The following GALNTL6 variants were observed in gnomAD, a reference collection of about 807,000 sequenced individuals.
The protein encoded by GALNTL6 is polypeptide N-acetylgalactosaminyltransferase-like 6.
Under a neutral mutation model 73.7 loss-of-function variants are expected in GALNTL6, and 46 were observed. That is an observed-to-expected ratio of 0.62 (90% CI 0.49 to 0.80). GALNTL6 has a LOEUF of 0.80. Ranked by LOEUF, GALNTL6 falls within the 30% of genes least tolerant of loss-of-function variation. GALNTL6 has a pLI of 0.00. For synonymous variants in GALNTL6, 259 were observed against 263.7 expected, an observed-to-expected ratio of 0.98 and a Z score of 0.17; for missense variants, 604 against 755.0, an observed-to-expected ratio of 0.80 and a Z score of 2.34.
chr4:172,441,145 C>T (rs1328572774), intron 5 of GALNTL6, among the ~76,000 whole-genome samples: 1 of 152,080 alleles, frequency 6.6e-6, no homozygotes, highest in Non-Finnish European at 1.5e-5. Context: ...CAGCTGGCTA[C>T]ACACATACCA....
At chr4:172,662,534 C>T (rs74604949) in intron 5 of GALNTL6, among the ~76,000 whole-genome samples, 4,790 of 152,258 alleles carry the variant, frequency 0.031, 125 homozygotes, top group South Asian at 0.091. Context: ...GGAGCAGAAA[C>T]GTCAATTCAC....
chr4:172,874,237 G>T (rs1280476965), intron 7 of GALNTL6, among the ~76,000 whole-genome samples: 3 of 152,184 alleles, frequency 2.0e-5, no homozygotes, highest in Non-Finnish European at 4.4e-5. Context: ...TTTGATGTTG[G>T]TGTTTATGGG....
intron 7 of GALNTL6, among the ~76,000 whole-genome samples, chr4:172,852,329 T>C (rs1409010664): frequency 6.6e-6 from 1 of 152,156 alleles, no homozygotes; most frequent in Non-Finnish European, 1.5e-5. Context: ...CTCAGAGTGT[T>C]CATTTGTGAT....
chr4:172,239,906 T>C (rs1051977542), intron 3 of GALNTL6, among the ~76,000 whole-genome samples: 1 of 152,212 alleles, frequency 6.6e-6, no homozygotes, highest in African/African-American at 2.4e-5. Context: ...TTCTGTCTTA[T>C]AAGGTTTCTG....
intron 9 of GALNTL6, among the ~76,000 whole-genome samples, chr4:172,945,121 T>A (rs1029128177): frequency 6.6e-6 from 1 of 150,566 alleles, no homozygotes; most frequent in African/African-American, 2.4e-5. Flanking sequence ...TGCAGCTACA[T>A]GGATAAAGAT....
chr4:171,879,293 T>A (rs1033927410), intron 2 of GALNTL6, among the ~76,000 whole-genome samples: 1 of 152,098 alleles, frequency 6.6e-6, no homozygotes, highest in Non-Finnish European at 1.5e-5. Flanking sequence ...AAAGAAAAAG[T>A]TTACCCCAAA....
At chr4:171,911,391 A>T (rs1737473631) in intron 2 of GALNTL6, among the ~76,000 whole-genome samples, 1 of 152,156 alleles carries the variant, frequency 6.6e-6, no homozygotes, top group South Asian at 2.1e-4. Context: ...AGCTCAAGTG[A>T]TCCACCTGCC....
chr4:172,813,451 AG>A, intron 6 of GALNTL6, 88 bp from the exon 7 acceptor site: 2 of 1,015,626 alleles, frequency 2.0e-6, no homozygotes. Context: ...ATTATGCATT[AG>A]TGGAGGACTG....
chr4:172,570,367 T>G (rs1178966240), intron 5 of GALNTL6, among the ~76,000 whole-genome samples: 2 of 152,078 alleles, frequency 1.3e-5, no homozygotes, highest in African/African-American at 4.8e-5. Context: ...GTGATTTGAT[T>G]CCCTAATACA....
At chr4:172,568,353 C>G (rs539799333) in intron 5 of GALNTL6, among the ~76,000 whole-genome samples, 1 of 152,270 alleles carries the variant, frequency 6.6e-6, no homozygotes, top group South Asian at 2.1e-4. Context: ...GGCTGTTATC[C>G]TAGCAGCACA....
chr4:171,950,664 G>C (rs1377878041), intron 2 of GALNTL6, among the ~76,000 whole-genome samples: 1 of 151,930 alleles, frequency 6.6e-6, no homozygotes, highest in Admixed American at 6.6e-5. Context: ...ATTTTTAGTA[G>C]AGAAGGGGTT....
intron 2 of GALNTL6, among the ~76,000 whole-genome samples, chr4:171,982,296 TTTG>T (rs138167557): frequency 0.48 from 70,221 of 146,442 alleles, 17,928 homozygotes; most frequent in Admixed American, 0.62. Flanking sequence ...ATTTTGTTTG[TTTG>T]TTGTTTGTTT....
Position 172,499,720 on chromosome 4 carries a change from G to T in GALNTL6, c.553+151031G>T, listed in dbSNP as rs180983236. Among the ~76,000 whole-genome samples the T allele has an allele frequency of 6.6e-5, 10 of 152,260 alleles. No homozygotes were observed. The East Asian group carries it at 1.9e-3, about 29-fold the overall frequency. On this transcript the variant is annotated intron_variant, in intron 5 of 12. Transcript: ENST00000506823. ...AGTAAAGAGTTCTCATGCAACAAAT[G>T]AAAATACAGAAAATCTCACCAAAGA...
At chr4:172,673,750 G>C (rs1474965075) in intron 5 of GALNTL6, among the ~76,000 whole-genome samples, 1 of 152,066 alleles carries the variant, frequency 6.6e-6, no homozygotes, top group African/African-American at 2.4e-5. Flanking sequence ...TTCTTTGACT[G>C]TTTTGGTTTA....
chr4:171,935,390 C>G (rs1277372560), intron 2 of GALNTL6, among the ~76,000 whole-genome samples: 2 of 152,122 alleles, frequency 1.3e-5, no homozygotes. Context: ...TATTTGTAGC[C>G]TGATAAACTG....
chr4:172,034,441 T>TGC (rs1741873633), intron 2 of GALNTL6, among the ~76,000 whole-genome samples: 1 of 123,192 alleles, frequency 8.1e-6, no homozygotes, highest in African/African-American at 3.2e-5. Flanking sequence ...TGTGTGTGTG[T>TGC]GTGTGTGTGT....
At chr4:172,681,786 C>T (rs1010360389) in intron 5 of GALNTL6, among the ~76,000 whole-genome samples, 1 of 152,180 alleles carries the variant, frequency 6.6e-6, no homozygotes, top group African/African-American at 2.4e-5. Flanking sequence ...AGTGCTCTTT[C>T]CCTTCAGCCA....
chr4:172,523,492 G>A (rs951991808), intron 5 of GALNTL6, among the ~76,000 whole-genome samples: 2 of 152,020 alleles, frequency 1.3e-5, no homozygotes, highest in East Asian at 1.9e-4. Context: ...AGCCTCCTGA[G>A]TAGCTGGAAC....
chr4:172,200,025 TA>T (rs1735902995), intron 2 of GALNTL6, among the ~76,000 whole-genome samples: 1 of 152,146 alleles, frequency 6.6e-6, no homozygotes, highest in Non-Finnish European at 1.5e-5. Context: ...ATAGAGAAGC[TA>T]AGTAACTTTG....
Sources: allele counts gnomAD v4.1 joint callset (sites outside exome capture counted in the v4.1 genomes callset), GRCh38; gene constraint gnomAD v4.1.1; transcripts MANE v1.5; gene names NCBI Gene and HGNC (gene_info 2026-07-23, HGNC 2026-07-21).